Variants in KATNAL2 observed in about 807,000 individuals in gnomAD.
The protein encoded by KATNAL2 is katanin p60 ATPase-containing subunit A-like 2.
Under a neutral mutation model 76.3 loss-of-function variants are expected in KATNAL2, and 52 were observed. The ratio of observed to expected loss-of-function variants is 0.68; its 90% CI spans 0.55 to 0.86. The LOEUF (loss-of-function observed/expected upper bound fraction) is 0.86, where lower values mean the gene tolerates loss of function less well. Among genes scored for constraint, KATNAL2 ranks in the 40% least tolerant of loss-of-function variants. The pLI, the probability that KATNAL2 is intolerant of heterozygous loss-of-function variation, is 0.00. For synonymous variants in KATNAL2, 243 were observed against 244.2 expected (o/e 1.00, Z 0.05); for missense variants, 660 against 668.9 (o/e 0.99, Z 0.15).
At chr18:47,062,061 C>T (rs1431840624) in intron 8 of KATNAL2, among the ~76,000 whole-genome samples, 1 of 152,056 alleles carries the variant, frequency 6.6e-6, no homozygotes, top group Non-Finnish European at 1.5e-5. Context: ...CAGGATGTCA[C>T]TCCTGACTAA....
chr18:47,041,939 T>C (rs1389113239), intron 3 of KATNAL2, among the ~76,000 whole-genome samples: 1 of 152,248 alleles, frequency 6.6e-6, no homozygotes, highest in African/African-American at 2.4e-5. Flanking sequence ...GTTTTAACTT[T>C]CCATTCCTTG....
chr18:47,060,618 C>T (rs1367576249), intron 8 of KATNAL2, among the ~76,000 whole-genome samples: 1 of 152,160 alleles, frequency 6.6e-6, no homozygotes, highest in East Asian at 1.9e-4. Flanking sequence ...GTTCTTTAAG[C>T]TTCTTCTTTC....
intron 3 of KATNAL2, among the ~76,000 whole-genome samples, chr18:46,959,456 AC>A (rs2059867414): frequency 6.6e-6 from 1 of 152,114 alleles, no homozygotes; most frequent in African/African-American, 2.4e-5. Context: ...TACTCTTGGA[AC>A]CTTTTTTTTA....
chr18:47,035,769 G>T (rs2146974091), intron 3 of KATNAL2: 1 of 189,876 alleles, frequency 5.3e-6, no homozygotes, highest in South Asian at 1.2e-4. Flanking sequence ...TTTTACCGTT[G>T]ACCTTCCATG....
rs141373688 is a variant in KATNAL2, at chr18:47,084,454, T to C, written c.1211+6993T>C. 40 of 699,894 alleles carry C rather than the reference T, an allele frequency of 5.7e-5. No homozygotes were observed. The Middle Eastern group carries it at 1.1e-3, about 20-fold the overall frequency. The allele number at this position is 699,894 out of a possible 1,614,324, so 43.4% of individuals were successfully genotyped here. On this transcript the variant is annotated intron_variant, in intron 15 of 17. Transcript: ENST00000683218. ...GCAGTCTGCCACAGGTCAGCAAGCA[T>C]TGTGCAAAAAATGAGATCTAGTGGC... is the stretch of plus-strand genomic sequence containing the variant.
intron 4 of KATNAL2, among the ~76,000 whole-genome samples, chr18:47,048,347 G>C (rs1397031479): frequency 6.6e-6 from 1 of 152,182 alleles, no homozygotes; most frequent in African/African-American, 2.4e-5. Flanking sequence ...AGGTACAAAG[G>C]AAAAAGGTGA....
At chr18:47,063,618 T>G (rs2061701916) in intron 10 of KATNAL2, among the ~76,000 whole-genome samples, 1 of 152,006 alleles carries the variant, frequency 6.6e-6, no homozygotes, top group African/African-American at 2.4e-5. Context: ...GACTTAGGAA[T>G]GAAGGGACAG....
intron 13 of KATNAL2, among the ~76,000 whole-genome samples, chr18:47,073,739 T>C (rs2147225661): frequency 6.6e-6 from 1 of 152,344 alleles, no homozygotes; most frequent in East Asian, 1.9e-4. Flanking sequence ...CTGTTGATGC[T>C]TACATCTTTC....
chr18:47,033,755 G>A, intron 3 of KATNAL2: 1 of 1,614,186 alleles, frequency 6.2e-7, no homozygotes, highest in Non-Finnish European at 8.5e-7. Context: ...CTGCGTCCAG[G>A]GAAAGCAGCT....
intron 3 of KATNAL2, among the ~76,000 whole-genome samples, chr18:47,038,957 C>G (rs1377724185): frequency 6.6e-6 from 1 of 152,176 alleles, no homozygotes; most frequent in East Asian, 1.9e-4. Flanking sequence ...TAGAGCAAGG[C>G]TGGGTAGTAA....
chr18:47,089,895 C>A (rs1390246734), intron 15 of KATNAL2, among the ~76,000 whole-genome samples: 1 of 151,944 alleles, frequency 6.6e-6, no homozygotes, highest in Non-Finnish European at 1.5e-5. Context: ...GTCATGTGTT[C>A]AAGTAGTATT....
In KATNAL2 at chr18:47,077,456, G is replaced by T; in HGVS notation, c.1206G>T (p.Leu402=). Residue 402 remains leucine, a synonymous_variant, in exon 15 of 18, where the codon CTG becomes CTT. Coordinates refer to ENST00000683218, the MANE Select transcript of KATNAL2 (RefSeq NM_001387690.1). ...DLVFVLAASN[L]PWELDCAMLR... is the part of the protein sequence containing the mutation. The stretch of plus-strand genomic sequence containing the variant: ...TATTTGTCTTAGCAGCTTCTAACCT[G>T]CCGTGGTAAGAGACCAAGAGAGTAA... 6.2e-7 allele frequency: 1 copy of T among 1,610,154 alleles called. No homozygotes were observed. Among genetic ancestry groups the T allele is most frequent in the Non-Finnish European group, 8.5e-7 (1 of 1,176,342 alleles).
chr18:47,073,971 G>C lies in KATNAL2; in HGVS notation c.1009-1306G>C, dbSNP rs147596014. ...CTTGGTCTCTCTTTGCCTTTAGTGA[G>C]CACCTTAAAAACATGTACGGGTTTT... On this transcript the variant is annotated intron_variant, in intron 13 of 17. Coordinates refer to ENST00000683218, the MANE Select transcript of KATNAL2 (RefSeq NM_001387690.1). Among the ~76,000 whole-genome samples, 152 of 152,252 alleles carry C rather than the reference G, an allele frequency of 1.0e-3. 1 individual carries two copies. The highest frequency in any genetic ancestry group is 3.6e-3 in the African/African-American group (148 of 41,542).
chr18:47,041,793 A>G (rs1381753917), intron 3 of KATNAL2, among the ~76,000 whole-genome samples: 1 of 152,164 alleles, frequency 6.6e-6, no homozygotes, highest in Admixed American at 6.5e-5. Flanking sequence ...AAACCTGCCA[A>G]AGTGCCTTTC....
At position 46,919,108 on chromosome 18, in the gene KATNAL2, T is replaced by C. The variant is rs149889273; in HGVS notation, c.-510+1182T>C. ...GCTCATGCCTGTAATCCCAGCACTT[T>C]AGGAAGCCGAGGCAGGTGGATCACT... On this transcript the variant is annotated intron_variant, in intron 1 of 17. Coordinates refer to ENST00000683218, the MANE Select transcript of KATNAL2 (RefSeq NM_001387690.1). 5.9e-3 allele frequency among the ~76,000 whole-genome samples: 893 copies of C among 151,010 alleles called. 8 individuals carry two copies. The highest frequency in any genetic ancestry group is 9.4e-3 in the Non-Finnish European group (635 of 67,668).
chr18:47,033,527 C>G, intron 3 of KATNAL2: 1 of 1,614,194 alleles, frequency 6.2e-7, no homozygotes, highest in Non-Finnish European at 8.5e-7. Flanking sequence ...TCGTCTGTCT[C>G]TCTAACGAGT....
intron 1 of KATNAL2, among the ~76,000 whole-genome samples, chr18:46,937,736 T>G (rs957599714): frequency 1.3e-5 from 2 of 152,178 alleles, no homozygotes; most frequent in Non-Finnish European, 2.9e-5. Flanking sequence ...CATCACTGTT[T>G]GTAATCGTGA....
intron 1 of KATNAL2, among the ~76,000 whole-genome samples, chr18:46,931,718 G>T (rs1184509725): frequency 6.9e-6 from 1 of 144,208 alleles, no homozygotes; most frequent in Non-Finnish European, 1.5e-5. Flanking sequence ...GAGAAAGAGA[G>T]AAAAAAGAGA....
rs141517988 is a variant in KATNAL2, at chr18:47,070,335, A to G, written c.1008+735A>G. On this transcript the variant is annotated intron_variant, in intron 13 of 17. Transcript: ENST00000683218. Reference sequence around the variant, plus strand: ...AGGATGGTCTCGAACTCCTGATCTCAGGTGATCTGCCTGCCTCAGCCTTCC... The same window carrying G: ...AGGATGGTCTCGAACTCCTGATCTCGGGTGATCTGCCTGCCTCAGCCTTCC... 4.7e-3 allele frequency among the ~76,000 whole-genome samples: 708 copies of G among 152,186 alleles called. 5 individuals carry two copies. The highest frequency in any genetic ancestry group is 7.5e-3 in the Non-Finnish European group (513 of 68,004).
Sources: gnomAD v4.1 joint callset for allele counts (sites outside exome capture counted in the v4.1 genomes callset) on GRCh38, gnomAD v4.1.1 for gene constraint, MANE v1.5 for transcripts, NCBI Gene and HGNC (gene_info 2026-07-23, HGNC 2026-07-21) for gene names.